The following EFCAB6 variants were observed in gnomAD, a reference collection of about 807,000 sequenced individuals.
EFCAB6 encodes EF-hand calcium-binding domain-containing protein 6.
EFCAB6 carries 156 observed loss-of-function variants against 169.8 expected under a neutral mutation model. The ratio of observed to expected loss-of-function variants is 0.92; its 90% CI spans 0.81 to 1.05. The LOEUF (loss-of-function observed/expected upper bound fraction) is 1.05, where lower values mean the gene tolerates loss of function less well. Ranked by LOEUF, EFCAB6 falls within the 50% of genes least tolerant of loss-of-function variation. EFCAB6 has a pLI of 0.00. For synonymous variants in EFCAB6, 698 were observed against 676.4 expected, an observed-to-expected ratio of 1.03 and a Z score of -0.50; for missense variants, 1,800 against 1,829.1, an observed-to-expected ratio of 0.98 and a Z score of 0.29.
intron 26 of EFCAB6, among the ~76,000 whole-genome samples, chr22:43,561,098 C>G (rs2049001160): frequency 6.6e-6 from 1 of 152,128 alleles, no homozygotes. Flanking sequence ...GTGGCTCACA[C>G]CTGTAATCTC....
chr22:43,594,962 A>T (rs1440734632), intron 23 of EFCAB6, among the ~76,000 whole-genome samples: 1 of 152,236 alleles, frequency 6.6e-6, no homozygotes, highest in Non-Finnish European at 1.5e-5. Context: ...CTAGAAATCA[A>T]TAAAAAGAGG....
In EFCAB6 at chr22:43,540,350, C is replaced by G. The variant is rs763263672; in HGVS notation, c.3656G>C (p.Arg1219Thr). The G allele has an allele frequency of 1.9e-6, 3 of 1,614,124 alleles. No individual in the cohort carries two copies. The highest frequency in any genetic ancestry group is 1.1e-5 in the South Asian group (1 of 91,080). Residue 1219 changes from arginine (R) to threonine (T), a missense_variant, in exon 28 of 32, where the codon AGA becomes ACA. Transcript: ENST00000262726. Reference sequence around the variant, plus strand: ...ATTGACTGGCATCTCGTTCCAGAGTCTGTCAAACTGGAGAAGGAGCAGAAG... The same window carrying G: ...ATTGACTGGCATCTCGTTCCAGAGTGTGTCAAACTGGAGAAGGAGCAGAAG... ...VQILTDEQFDRLWNEMPVNAK... is the reference protein window; with the variant it reads ...VQILTDEQFDTLWNEMPVNAK...
intron 19 of EFCAB6, among the ~76,000 whole-genome samples, chr22:43,627,634 G>GGTGCCTGAAAACCC (rs2054619536): frequency 1.3e-5 from 2 of 152,130 alleles, no homozygotes; most frequent in Non-Finnish European, 2.9e-5. Context: ...CCTGCTTCCC[G>GGTGCCTGAAAACCC]GGTCTCAGGC....
At chr22:43,717,178 C>G (rs372384978) in intron 8 of EFCAB6, among the ~76,000 whole-genome samples, 20 of 152,114 alleles carry the variant, frequency 1.3e-4, no homozygotes, top group African/African-American at 4.6e-4. Context: ...CTATCTTACT[C>G]TAGGATAAAC....
At chr22:43,801,569 TA>T (rs1179971285) in intron 2 of EFCAB6, among the ~76,000 whole-genome samples, 1 of 152,190 alleles carries the variant, frequency 6.6e-6, no homozygotes, top group Non-Finnish European at 1.5e-5. Context: ...TTGAGACAAT[TA>T]AAAGTCAAAA....
At position 43,560,417 on chromosome 22, in the gene EFCAB6, T is replaced by TGA. The variant is rs1301950681; in HGVS notation, c.3421-5323_3421-5322dup. On this transcript the variant is annotated intron_variant, in intron 26 of 31. Coordinates refer to ENST00000262726, the MANE Select transcript of EFCAB6 (RefSeq NM_022785.4). ...TATCAATGTACAACTACTCTGGCAG[T>TGA]GAGTGGGAACTAAGTCTCTACTGTG... Among the ~76,000 whole-genome samples the TGA allele has an allele frequency of 2.6e-5, 4 of 152,336 alleles. No individual in the cohort carries two copies. In the East Asian group the frequency reaches 7.7e-4, roughly 29 times the overall value.
At chr22:43,637,546 T>C (rs2055503543) in intron 17 of EFCAB6, among the ~76,000 whole-genome samples, 1 of 152,210 alleles carries the variant, frequency 6.6e-6, no homozygotes. Flanking sequence ...AGGCTGTGTG[T>C]GGCTAGTGCC....
chr22:43,553,444 G>A (rs1383539704), intron 27 of EFCAB6: 4 of 152,314 alleles, frequency 2.6e-5, no homozygotes, highest in Non-Finnish European at 4.4e-5. Flanking sequence ...TTCTGTAACT[G>A]GATCAGTGGT....
intron 26 of EFCAB6, among the ~76,000 whole-genome samples, chr22:43,560,873 C>T (rs947523281): frequency 3.3e-5 from 5 of 152,160 alleles, no homozygotes; most frequent in African/African-American, 9.7e-5. Context: ...GATAGGTCCC[C>T]GCCCTCACTT....
intron 24 of EFCAB6, among the ~76,000 whole-genome samples, chr22:43,587,711 A>C (rs1255354007): frequency 6.6e-6 from 1 of 152,206 alleles, no homozygotes; most frequent in Non-Finnish European, 1.5e-5. Flanking sequence ...GTGTGTATCT[A>C]TAAAGATCCT....
At chr22:43,660,636 T>G (rs2056957630) in intron 17 of EFCAB6, among the ~76,000 whole-genome samples, 1 of 152,008 alleles carries the variant, frequency 6.6e-6, no homozygotes, top group South Asian at 2.1e-4. Flanking sequence ...GTCAATAAAA[T>G]GTGAGTGGAA....
chr22:43,551,602 A>G (rs1306786322), intron 27 of EFCAB6, among the ~76,000 whole-genome samples: 1 of 152,100 alleles, frequency 6.6e-6, no homozygotes, highest in African/African-American at 2.4e-5. Flanking sequence ...TGCACAGATC[A>G]TCCCATCACT....
intron 1 of EFCAB6, among the ~76,000 whole-genome samples, chr22:43,809,463 G>C (rs1474833201): frequency 6.6e-6 from 1 of 152,214 alleles, no homozygotes; most frequent in African/African-American, 2.4e-5. Flanking sequence ...AAGTGTTTGA[G>C]AGTGATAGCA....
At chr22:43,602,421 A>C (rs546467269) in intron 22 of EFCAB6, among the ~76,000 whole-genome samples, 1 of 152,322 alleles carries the variant, frequency 6.6e-6, no homozygotes, top group South Asian at 2.1e-4. Context: ...CGCCTCCAGC[A>C]AGGGCTTCCC....
chr22:43,574,180 T>C (rs1205775355), intron 26 of EFCAB6, among the ~76,000 whole-genome samples: 1 of 152,080 alleles, frequency 6.6e-6, no homozygotes, highest in African/African-American at 2.4e-5. Context: ...GTGGGTGCAA[T>C]GTTATATAGA....
intron 6 of EFCAB6, among the ~76,000 whole-genome samples, chr22:43,752,449 T>C (rs2147837809): frequency 6.6e-6 from 1 of 152,300 alleles, no homozygotes; most frequent in South Asian, 2.1e-4. Context: ...AAACCCTCTA[T>C]TTTCCATTTT....
intron 20 of EFCAB6, among the ~76,000 whole-genome samples, chr22:43,625,091 A>AT (rs2054404076): frequency 6.9e-6 from 1 of 145,664 alleles, no homozygotes; most frequent in South Asian, 2.2e-4. Flanking sequence ...TTGCTTTTTT[A>AT]TTTTTTTAAT....
rs572521662 is a variant in EFCAB6, at chr22:43,542,534, C to T, written c.3649-2177G>A. On this transcript the variant is annotated intron_variant, in intron 27 of 31. Coordinates refer to ENST00000262726, the MANE Select transcript of EFCAB6 (RefSeq NM_022785.4). ...GGTGGATGCTGCAGTGAGCCAATGTCGCACCACTGCACTTCAGCCTGGGCA... is the reference window on the plus strand; with the variant it reads ...GGTGGATGCTGCAGTGAGCCAATGTTGCACCACTGCACTTCAGCCTGGGCA... Among the ~76,000 whole-genome samples, 12 of 152,244 alleles carry T rather than the reference C, an allele frequency of 7.9e-5. No individual in the cohort carries two copies. The South Asian group carries it at 1.0e-3, about 13-fold the overall frequency.
intron 7 of EFCAB6, 44 bp downstream of exon 7, chr22:43,735,813 A>G: frequency 6.2e-7 from 1 of 1,602,570 alleles, no homozygotes; most frequent in Admixed American, 1.7e-5. Flanking sequence ...AAATTGGTTA[A>G]AAGTTCTACT....
Sources: allele counts gnomAD v4.1 joint callset (sites outside exome capture counted in the v4.1 genomes callset), GRCh38; gene constraint gnomAD v4.1.1; transcripts MANE v1.5; gene names NCBI Gene and HGNC (gene_info 2026-07-23, HGNC 2026-07-21).